The following PREX2 variants were observed in gnomAD, a reference collection of about 807,000 sequenced individuals.
The protein encoded by PREX2 is phosphatidylinositol-3,4,5-trisphosphate dependent Rac exchange factor 2, also known as phosphatidylinositol 3,4,5-trisphosphate-dependent Rac exchanger 2 protein.
In PREX2, 107 loss-of-function variants were observed where a neutral mutation model predicts 203.2. The ratio of observed to expected loss-of-function variants is 0.53; its 90% CI spans 0.45 to 0.62. The LOEUF is 0.62. Among genes scored for constraint, PREX2 ranks in the 20% least tolerant of loss-of-function variants. PREX2 has a pLI of 0.00. For missense variants in PREX2, 1,777 were observed against 1,955.9 expected, an observed-to-expected ratio of 0.91 and a Z score of 1.72; for synonymous variants, 672 against 663.6, an observed-to-expected ratio of 1.01 and a Z score of -0.19.
At chr8:67,999,058 A>G (rs1028440742) in intron 1 of PREX2, among the ~76,000 whole-genome samples, 1 of 152,160 alleles carries the variant, frequency 6.6e-6, no homozygotes, top group Non-Finnish European at 1.5e-5. Flanking sequence ...CTACATCTCA[A>G]TTGAAATACA....
intron 37 of PREX2, among the ~76,000 whole-genome samples, chr8:68,205,005 C>A (rs528786299): frequency 6.6e-6 from 1 of 152,168 alleles, no homozygotes; most frequent in South Asian, 2.1e-4. Flanking sequence ...TTAAGCTACT[C>A]GGAAACCCTT....
At position 68,016,457 on chromosome 8, in the gene PREX2, C is replaced by T. The variant is rs1807411560; in HGVS notation, c.142-1389C>T. On this transcript the variant is annotated intron_variant, in intron 1 of 39. Transcript: ENST00000288368. ...ATAGTAGTCTATAATTTGAATATAT[C>T]ATAATATGCTTAGTGATTCTTTTAT... 2.6e-5 allele frequency among the ~76,000 whole-genome samples: 4 copies of T among 152,008 alleles called. 1 individual carries two copies. In the South Asian group the frequency reaches 8.3e-4, roughly 32 times the overall value.
At chr8:68,092,361 G>A (rs944298130) in intron 20 of PREX2, among the ~76,000 whole-genome samples, 5 of 152,084 alleles carry the variant, frequency 3.3e-5, no homozygotes, top group Non-Finnish European at 7.4e-5. Flanking sequence ...ATGATTTGTA[G>A]CAATATATTA....
chr8:67,979,288 T>G (rs983347834), intron 1 of PREX2, among the ~76,000 whole-genome samples: 1 of 152,216 alleles, frequency 6.6e-6, no homozygotes, highest in African/African-American at 2.4e-5. Flanking sequence ...TCCTTAGAGC[T>G]CTATCATATC....
intron 37 of PREX2, among the ~76,000 whole-genome samples, chr8:68,201,565 G>C (rs1327302934): frequency 6.6e-6 from 1 of 152,106 alleles, no homozygotes; most frequent in Non-Finnish European, 1.5e-5. Context: ...ATCTCTCCAC[G>C]TTCTTCTGCC....
intron 1 of PREX2, among the ~76,000 whole-genome samples, chr8:67,990,600 C>T (rs923125774): frequency 6.6e-6 from 1 of 151,644 alleles, no homozygotes; most frequent in Non-Finnish European, 1.5e-5. Context: ...ACCTCCGCCT[C>T]CCGGGTTCAA....
intron 33 of PREX2, 88 bp from the exon 34 acceptor site, chr8:68,146,121 T>C: frequency 1.2e-6 from 1 of 863,292 alleles, no homozygotes; most frequent in Non-Finnish European, 1.8e-6. Context: ...TGTCGAGTAA[T>C]TCTCAGGATT....
rs902755020 is a variant in PREX2, at chr8:68,163,542, A to G, written c.4346+6106A>G. Among the ~76,000 whole-genome samples the G allele has an allele frequency of 5.3e-5, 8 of 152,200 alleles. No individual in the cohort carries two copies. In the South Asian group the frequency reaches 1.7e-3, roughly 31 times the overall value. On this transcript the variant is annotated intron_variant, in intron 35 of 39. Coordinates refer to ENST00000288368, the MANE Select transcript of PREX2 (RefSeq NM_024870.4). ...TTTTAATTTAGTGTCTGTTTTCCAA[A>G]TGGGCTTAAGGTGGAGCCCATTAAG...
At chr8:68,152,335 G>T (rs537580320) in intron 34 of PREX2, among the ~76,000 whole-genome samples, 1 of 145,394 alleles carries the variant, frequency 6.9e-6, no homozygotes, top group South Asian at 2.2e-4. Flanking sequence ...TTTTCCATTT[G>T]GGTTTTACAC....
intron 1 of PREX2, among the ~76,000 whole-genome samples, chr8:68,000,610 G>T (rs185637566): frequency 5.3e-5 from 8 of 151,988 alleles, no homozygotes; most frequent in African/African-American, 1.7e-4. Context: ...TAAAATTTAC[G>T]TGGAACCAAA....
intron 26 of PREX2, among the ~76,000 whole-genome samples, chr8:68,116,575 G>C (rs969140099): frequency 1.3e-5 from 2 of 152,174 alleles, no homozygotes; most frequent in African/African-American, 4.8e-5. Flanking sequence ...GGAAGGATCC[G>C]TGCCAGGCGT....
intron 1 of PREX2, among the ~76,000 whole-genome samples, chr8:67,981,091 A>G (rs1436686727): frequency 6.6e-6 from 1 of 152,244 alleles, no homozygotes; most frequent in Non-Finnish European, 1.5e-5. Flanking sequence ...TAATAGCCTG[A>G]AAATAGGAAA....
rs866534903 is a variant in PREX2, at chr8:68,146,331, C to T, written c.4210C>T (p.His1404Tyr). The T allele has an allele frequency of 6.2e-7, 1 of 1,612,370 alleles. No homozygotes were observed. The highest frequency in any genetic ancestry group is 8.5e-7 in the Non-Finnish European group (1 of 1,179,304). The stretch of plus-strand genomic sequence containing the variant: ...GAAAAATGGAGGAGGGTTTAAAATT[C>T]ATCCTGTTCTTTTTGCACAAGGTAA... The part of the protein sequence containing the change: ...RLKNGGGFKI[H>Y]PVLFAQALES... The change falls in exon 34 of 40, where the codon CAT (histidine) becomes TAT (tyrosine). Residue 1404 changes from histidine (H) to tyrosine (Y), a missense_variant. Physicochemically the swap from His to Tyr is moderately conservative, Grantham distance 83. Coordinates refer to ENST00000288368, the MANE Select transcript of PREX2 (RefSeq NM_024870.4).
At chr8:68,156,640 C>T (rs1032411410) in intron 34 of PREX2, among the ~76,000 whole-genome samples, 5 of 151,994 alleles carry the variant, frequency 3.3e-5, no homozygotes, top group Non-Finnish European at 7.4e-5. Flanking sequence ...ATGGGAGATA[C>T]CTAAGGAATA....
At chr8:68,170,683 C>T (rs1002530655) in intron 35 of PREX2, among the ~76,000 whole-genome samples, 6 of 152,168 alleles carry the variant, frequency 3.9e-5, no homozygotes, top group African/African-American at 9.7e-5. Flanking sequence ...GGAATTCTGA[C>T]GAAGAAATTC....
intron 1 of PREX2, among the ~76,000 whole-genome samples, chr8:68,002,429 C>T (rs1806969542): frequency 6.6e-6 from 1 of 152,102 alleles, no homozygotes; most frequent in African/African-American, 2.4e-5. Context: ...TTACTCCCAC[C>T]TCCATCTCAC....
chr8:67,991,183 C>G (rs1179621829), intron 1 of PREX2, among the ~76,000 whole-genome samples: 1 of 152,084 alleles, frequency 6.6e-6, no homozygotes, highest in Non-Finnish European at 1.5e-5. Context: ...TAGGAGAAAA[C>G]AAAAGAGCAG....
At chr8:67,984,734 T>A (rs534311217) in intron 1 of PREX2, among the ~76,000 whole-genome samples, 2 of 152,268 alleles carry the variant, frequency 1.3e-5, no homozygotes, top group Admixed American at 1.3e-4. Flanking sequence ...TGATGGGAAG[T>A]ACAGCTGAGG....
chr8:68,081,880 T>C (rs13257180), intron 17 of PREX2, among the ~76,000 whole-genome samples: 26,221 of 149,474 alleles, frequency 0.18, 2,360 homozygotes, highest in East Asian at 0.29. Context: ...TTTTTTTTAA[T>C]AGAGACAGGT....
Sources: allele counts gnomAD v4.1 joint callset (sites outside exome capture counted in the v4.1 genomes callset), GRCh38; gene constraint gnomAD v4.1.1; transcripts MANE v1.5; gene names NCBI Gene and HGNC (gene_info 2026-07-23, HGNC 2026-07-21).